MEF2A: variants seen among roughly 807,000 people sequenced by gnomAD.
MEF2A encodes the protein myocyte enhancer factor 2A, also known as myocyte-specific enhancer factor 2A.
Under a neutral mutation model 55.8 loss-of-function variants are expected in MEF2A, and 28 were observed. The observed-to-expected ratio is 0.50, with a 90% CI of 0.37 to 0.69. The LOEUF (loss-of-function observed/expected upper bound fraction) is 0.69. Ranked by LOEUF, MEF2A falls within the 30% of genes least tolerant of loss-of-function variation. MEF2A has a pLI of 0.00. For synonymous variants in MEF2A, 239 were observed against 227.1 expected, an observed-to-expected ratio of 1.05 and a Z score of -0.47; for missense variants, 528 against 626.2, an observed-to-expected ratio of 0.84 and a Z score of 1.67.
At chr15:99,695,915 C>A (rs1409318811) in intron 8 of MEF2A, among the ~76,000 whole-genome samples, 1 of 150,182 alleles carries the variant, frequency 6.7e-6, no homozygotes, top group Middle Eastern at 3.2e-3. Flanking sequence ...AATATAAAGA[C>A]ATAGATAAAA....
chr15:99,709,140 T>G (rs917280811), intron 10 of MEF2A, among the ~76,000 whole-genome samples: 1 of 152,166 alleles, frequency 6.6e-6, no homozygotes, highest in Non-Finnish European at 1.5e-5. Flanking sequence ...TGGGTGCTGA[T>G]AGCATAGACT....
intron 8 of MEF2A, among the ~76,000 whole-genome samples, chr15:99,700,204 A>ACACACACACG (rs2153779787): frequency 7.2e-6 from 1 of 139,826 alleles, no homozygotes; most frequent in South Asian, 2.5e-4. Context: ...ACACACACAC[A>ACACACACACG]CACACACACA....
intron 4 of MEF2A, among the ~76,000 whole-genome samples, chr15:99,670,120 A>G (rs1410623772): frequency 1.3e-5 from 2 of 152,234 alleles, no homozygotes; most frequent in Non-Finnish European, 2.9e-5. Flanking sequence ...GAAATAAGAC[A>G]TTCTGAAAGT....
intron 1 of MEF2A, among the ~76,000 whole-genome samples, chr15:99,596,934 T>C (rs1162382214): frequency 6.6e-6 from 1 of 152,188 alleles, no homozygotes; most frequent in Non-Finnish European, 1.5e-5. Context: ...TTCCCCAAAT[T>C]AATACTTTTG....
intron 4 of MEF2A, among the ~76,000 whole-genome samples, chr15:99,653,026 G>T (rs908048429): frequency 6.6e-6 from 1 of 152,080 alleles, no homozygotes; most frequent in African/African-American, 2.4e-5. Flanking sequence ...CCCTTAGAAT[G>T]CCAAGATTTT....
intron 2 of MEF2A, among the ~76,000 whole-genome samples, chr15:99,608,079 T>A (rs1481910602): frequency 6.6e-6 from 1 of 152,228 alleles, no homozygotes; most frequent in East Asian, 1.9e-4. Context: ...GATAAAAATT[T>A]TGAAGTTAGT....
chr15:99,708,103 C>G (rs1316510310), intron 10 of MEF2A, among the ~76,000 whole-genome samples: 1 of 152,208 alleles, frequency 6.6e-6, no homozygotes, highest in Non-Finnish European at 1.5e-5. Flanking sequence ...AGGGATGAAG[C>G]ATTCATAGAA....
chr15:99,687,007 C>T (rs974572827), intron 7 of MEF2A, among the ~76,000 whole-genome samples: 1 of 151,114 alleles, frequency 6.6e-6, no homozygotes, highest in Non-Finnish European at 1.5e-5. Context: ...TCACTGCAAC[C>T]TCTGCCTCCT....
chr15:99,579,857 G>GCAATTT, intron 1 of MEF2A, among the ~76,000 whole-genome samples: 1 of 152,146 alleles, frequency 6.6e-6, no homozygotes, highest in South Asian at 2.1e-4. Context: ...TTAAGGTCTT[G>GCAATTT]TAGGACCTTA....
intron 2 of MEF2A, among the ~76,000 whole-genome samples, chr15:99,622,146 G>A (rs970749414): frequency 6.6e-6 from 1 of 152,130 alleles, no homozygotes; most frequent in Non-Finnish European, 1.5e-5. Flanking sequence ...AGACAGTAGA[G>A]CCCATATTGG....
At chr15:99,629,201 G>A (rs907956128) in intron 2 of MEF2A, among the ~76,000 whole-genome samples, 2 of 152,158 alleles carry the variant, frequency 1.3e-5, no homozygotes, top group Non-Finnish European at 2.9e-5. Flanking sequence ...TTGGGAGGCC[G>A]AGGCGGGTGG....
intron 1 of MEF2A, among the ~76,000 whole-genome samples, chr15:99,586,773 T>C (rs1206545046): frequency 2.0e-5 from 3 of 152,194 alleles, no homozygotes; most frequent in African/African-American, 7.2e-5. Context: ...CTATAAAACT[T>C]TGAGAAGTTT....
chr15:99,572,960 T>C (rs994616263), intron 1 of MEF2A, among the ~76,000 whole-genome samples: 7 of 152,212 alleles, frequency 4.6e-5, no homozygotes, highest in South Asian at 2.1e-4. Context: ...ATAGTAGATA[T>C]AGTGAATTCT....
chr15:99,707,972 C>T (rs893394718), intron 10 of MEF2A, among the ~76,000 whole-genome samples: 1 of 151,520 alleles, frequency 6.6e-6, no homozygotes, highest in Non-Finnish European at 1.5e-5. Context: ...ATATCCATTA[C>T]TTTTCCAACC....
intron 7 of MEF2A, among the ~76,000 whole-genome samples, chr15:99,678,970 G>A (rs2052668151): frequency 6.6e-6 from 1 of 152,150 alleles, no homozygotes; most frequent in South Asian, 2.1e-4. Context: ...CAAAAGAAAT[G>A]TCTGATAAAT....
At chr15:99,613,156 G>A (rs149961846) in intron 2 of MEF2A, among the ~76,000 whole-genome samples, 236 of 152,282 alleles carry the variant, frequency 1.5e-3, no homozygotes, top group African/African-American at 5.5e-3. Context: ...AACTAAAGAC[G>A]TACATCATCG....
At chr15:99,607,092 A>G (rs1371479039) in intron 2 of MEF2A, among the ~76,000 whole-genome samples, 14 of 152,188 alleles carry the variant, frequency 9.2e-5, no homozygotes, top group Non-Finnish European at 2.1e-4. Flanking sequence ...TAAAAACAAA[A>G]CATGCAAAAA....
At chr15:99,605,977 T>G (rs763690346) in intron 2 of MEF2A, among the ~76,000 whole-genome samples, 1 of 152,178 alleles carries the variant, frequency 6.6e-6, no homozygotes, top group Non-Finnish European at 1.5e-5. Context: ...ATAGCTAAAG[T>G]AGTCTTGAAA....
chr15:99,598,244 C>A (rs1398123322), intron 1 of MEF2A, among the ~76,000 whole-genome samples, 186 bp from the exon 2 acceptor site: 3 of 152,140 alleles, frequency 2.0e-5, no homozygotes, highest in Admixed American at 2.0e-4. Context: ...AGTAGAGATA[C>A]TCAGTTGGCT....
Sources: allele counts gnomAD v4.1 joint callset (sites outside exome capture counted in the v4.1 genomes callset), GRCh38; gene constraint gnomAD v4.1.1; transcripts MANE v1.5; gene names NCBI Gene and HGNC (gene_info 2026-07-23, HGNC 2026-07-21).